The following CCDC91 variants were observed in gnomAD, a reference collection of about 807,000 sequenced individuals.
The protein encoded by CCDC91 is coiled-coil domain containing 91.
CCDC91 carries 48 observed loss-of-function variants against 63.2 expected under a neutral mutation model. The ratio of observed to expected loss-of-function variants is 0.76; its 90% confidence interval spans 0.60 to 0.97. The LOEUF (loss-of-function observed/expected upper bound fraction) is 0.97. Ranked by LOEUF, CCDC91 falls within the 50% of genes least tolerant of loss-of-function variation. The probability of loss-of-function intolerance (pLI) is 0.00; values close to 1 mark genes in which losing one functional copy is unlikely to be tolerated. For synonymous variants in CCDC91, 167 were observed against 165.8 expected, an observed-to-expected ratio of 1.01 and a Z score of -0.06; for missense variants, 500 against 494.6, an observed-to-expected ratio of 1.01 and a Z score of -0.10.
At chr12:28,323,474 A>G (rs542526965) in intron 6 of CCDC91, among the ~76,000 whole-genome samples, 1 of 151,782 alleles carries the variant, frequency 6.6e-6, no homozygotes, top group African/African-American at 2.4e-5. Context: ...TTTGATTTCC[A>G]TTTCTGTTGA....
chr12:28,323,813 A>G (rs1940742116), intron 6 of CCDC91, among the ~76,000 whole-genome samples: 1 of 151,882 alleles, frequency 6.6e-6, no homozygotes, highest in Non-Finnish European at 1.5e-5. Context: ...GGCATATGCA[A>G]AGCCCTGCAG....
intron 12 of CCDC91, among the ~76,000 whole-genome samples, chr12:28,545,277 G>C (rs574303766): frequency 2.0e-5 from 3 of 151,996 alleles, no homozygotes; most frequent in African/African-American, 7.2e-5. Flanking sequence ...AGCAAAAAAG[G>C]TGAATATTTT....
chr12:28,538,900 G>A (rs917938541), intron 12 of CCDC91, among the ~76,000 whole-genome samples: 1 of 152,220 alleles, frequency 6.6e-6, no homozygotes, highest in African/African-American at 2.4e-5. Flanking sequence ...CTGCATAAAT[G>A]TCTTCTTTTG....
intron 7 of CCDC91, among the ~76,000 whole-genome samples, chr12:28,381,819 A>G (rs1313649378): frequency 6.6e-6 from 1 of 152,124 alleles, no homozygotes; most frequent in African/African-American, 2.4e-5. Flanking sequence ...TACTATAGTA[A>G]TAATTACCCT....
At chr12:28,216,085 ACT>A (rs1418646436) in intron 1 of CCDC91, among the ~76,000 whole-genome samples, 1 of 151,994 alleles carries the variant, frequency 6.6e-6, no homozygotes, top group East Asian at 1.9e-4. Flanking sequence ...AATCATGAAG[ACT>A]CTAGGATTTC....
intron 8 of CCDC91, among the ~76,000 whole-genome samples, chr12:28,443,854 G>A (rs1045157873): frequency 3.3e-5 from 5 of 152,150 alleles, no homozygotes; most frequent in African/African-American, 9.6e-5. Flanking sequence ...CTGATGTTTT[G>A]TTATTAGGTC....
At chr12:28,504,296 C>T (rs1417979429) in intron 12 of CCDC91, among the ~76,000 whole-genome samples, 1 of 151,636 alleles carries the variant, frequency 6.6e-6, no homozygotes, top group Non-Finnish European at 1.5e-5. Context: ...GAAAATGTTT[C>T]CCAATACTTT....
At chr12:28,324,635 A>G (rs1033796307) in intron 6 of CCDC91, among the ~76,000 whole-genome samples, 15 of 151,868 alleles carry the variant, frequency 9.9e-5, no homozygotes, top group Non-Finnish European at 1.5e-4. Context: ...ATTAACGTCA[A>G]CCTTTGAAAA....
chr12:28,266,325 T>C (rs1234971055), intron 3 of CCDC91, among the ~76,000 whole-genome samples: 1 of 152,056 alleles, frequency 6.6e-6, no homozygotes, highest in African/African-American at 2.4e-5. Flanking sequence ...ACTATGTAAC[T>C]TCTGTGAATC....
chr12:28,300,737 C>T (rs547639528), intron 3 of CCDC91, among the ~76,000 whole-genome samples: 63 of 151,572 alleles, frequency 4.2e-4, no homozygotes, highest in Non-Finnish European at 7.1e-4. Flanking sequence ...ATGTTCTATC[C>T]TATTACAAGA....
intron 11 of CCDC91, among the ~76,000 whole-genome samples, chr12:28,457,336 C>T (rs117166197): frequency 4.0e-5 from 6 of 151,774 alleles, no homozygotes; most frequent in South Asian, 2.1e-4. Context: ...GCTTGGAAGC[C>T]GTTTTTGAAT....
At position 28,456,475 on chromosome 12, in the gene CCDC91, A is replaced by G. The variant is rs1435255224; in HGVS notation, c.1101+3821A>G. Among the ~76,000 whole-genome samples the G allele has an allele frequency of 1.1e-4, 17 of 152,148 alleles. 1 individual carries two copies. Among genetic ancestry groups the G allele is most frequent in the Admixed American group, 7.9e-4 (12 of 15,238 alleles). On this transcript the variant is annotated intron_variant, in intron 11 of 12. Transcript: ENST00000536442. ...AGGGAAGACAAAAGTGATATGAGAG[A>G]AGACACATCAGTAGTTACAATAACT...
chr12:28,381,129 G>C (rs1945274360), intron 7 of CCDC91, among the ~76,000 whole-genome samples: 1 of 152,088 alleles, frequency 6.6e-6, no homozygotes, highest in African/African-American at 2.4e-5. Flanking sequence ...ATTGAGAATG[G>C]TTAAATTTAT....
At chr12:28,196,914 T>C (rs1367520546) in intron 1 of CCDC91, among the ~76,000 whole-genome samples, 2 of 152,176 alleles carry the variant, frequency 1.3e-5, no homozygotes, top group African/African-American at 4.8e-5. Flanking sequence ...ATGAATTATT[T>C]TGAAAACTTG....
At chr12:28,538,396 G>C (rs898222117) in intron 12 of CCDC91, among the ~76,000 whole-genome samples, 2 of 151,488 alleles carry the variant, frequency 1.3e-5, no homozygotes, top group Admixed American at 1.3e-4. Flanking sequence ...TGAGAATGAT[G>C]GTTTTCAGCT....
chr12:28,469,921 G>A (rs565695576), intron 11 of CCDC91, among the ~76,000 whole-genome samples: 15 of 151,946 alleles, frequency 9.9e-5, no homozygotes, highest in South Asian at 2.1e-4. Context: ...ATCTCTTGCC[G>A]TATACAGAAG....
chr12:28,273,922 A>G (rs549609739), intron 3 of CCDC91, among the ~76,000 whole-genome samples: 19 of 152,286 alleles, frequency 1.2e-4, no homozygotes, highest in South Asian at 2.1e-4. Context: ...GCCCAGGCCT[A>G]TGTCCTGAAG....
intron 1 of CCDC91, among the ~76,000 whole-genome samples, chr12:28,209,488 G>A (rs1010329404): frequency 3.9e-5 from 6 of 151,914 alleles, no homozygotes; most frequent in African/African-American, 7.3e-5. Flanking sequence ...TCTTTCGCCC[G>A]TGGTGTGATC....
At chr12:28,399,969 G>A (rs1946516945) in intron 8 of CCDC91, among the ~76,000 whole-genome samples, 1 of 152,130 alleles carries the variant, frequency 6.6e-6, no homozygotes, top group South Asian at 2.1e-4. Context: ...TACTATTTTG[G>A]GGCCTGGAGG....
Sources: gnomAD v4.1 joint callset for allele counts (sites outside exome capture counted in the v4.1 genomes callset) on GRCh38, gnomAD v4.1.1 for gene constraint, MANE v1.5 for transcripts, NCBI Gene and HGNC (gene_info 2026-07-23, HGNC 2026-07-21) for gene names.